The following AFG2A variants were observed in gnomAD, a reference collection of about 807,000 sequenced individuals.
AFG2A encodes the protein ATPase family gene 2 protein homolog A.
At chr4:123,040,431 TC>T in the AFG2A span, among the ~76,000 whole-genome samples, 124 of 152,314 alleles carry the variant, frequency 8.1e-4, 1 homozygote, top group African/African-American at 2.8e-3. Flanking sequence ...AATGAATTTT[TC>T]ATTTTTAAAG....
chr4:123,072,346 G>A, the AFG2A span, among the ~76,000 whole-genome samples: 28 of 152,162 alleles, frequency 1.8e-4, no homozygotes, highest in Middle Eastern at 3.4e-3. Flanking sequence ...ACTTAATTTC[G>A]CCTCACAGCA....
chr4:123,266,767 G>A, the AFG2A span, among the ~76,000 whole-genome samples: 6 of 151,088 alleles, frequency 4.0e-5, no homozygotes, highest in African/African-American at 7.3e-5. Context: ...TCCCTATTTC[G>A]GCATATTCTT....
At chr4:123,312,152 A>C in the AFG2A span, among the ~76,000 whole-genome samples, 1 of 152,184 alleles carries the variant, frequency 6.6e-6, no homozygotes, top group East Asian at 1.9e-4. Context: ...AAACAGGGAG[A>C]TATCAGTCAT....
At chr4:123,177,925 T>C in the AFG2A span, among the ~76,000 whole-genome samples, 1 of 152,218 alleles carries the variant, frequency 6.6e-6, no homozygotes, top group Non-Finnish European at 1.5e-5. Flanking sequence ...TGTTCTGGAA[T>C]GGTGTCTTGG....
At chr4:123,088,027 A>G in the AFG2A span, among the ~76,000 whole-genome samples, 1 of 152,150 alleles carries the variant, frequency 6.6e-6, no homozygotes, top group Non-Finnish European at 1.5e-5. Flanking sequence ...CTCTAGTTGA[A>G]ACATCCCATT....
chr4:123,120,337 G>A, the AFG2A span, among the ~76,000 whole-genome samples: 44 of 152,038 alleles, frequency 2.9e-4, no homozygotes, highest in Middle Eastern at 3.4e-3. Context: ...ACTTCTCAGA[G>A]AAACTCTTAG....
the AFG2A span, among the ~76,000 whole-genome samples, chr4:123,120,213 T>C: frequency 1.8e-4 from 27 of 152,294 alleles, no homozygotes; most frequent in African/African-American, 6.0e-4. Flanking sequence ...TAATCATCTA[T>C]GTTGAGGAAA....
chr4:123,244,416 G>C, the AFG2A span, among the ~76,000 whole-genome samples: 8 of 152,316 alleles, frequency 5.3e-5, no homozygotes, highest in East Asian at 1.5e-3. Context: ...TGGAAACATT[G>C]ATGACCTCTG....
At chr4:123,149,798 CTTTTTTTTTTTT>C in the AFG2A span, among the ~76,000 whole-genome samples, 3 of 121,650 alleles carry the variant, frequency 2.5e-5, no homozygotes, top group African/African-American at 1.2e-4. Flanking sequence ...TAGGAAATAG[CTTTTTTTTTTTT>C]TTTTTTTTTT....
the AFG2A span, among the ~76,000 whole-genome samples, chr4:123,311,306 A>G: frequency 2.6e-5 from 4 of 152,100 alleles, no homozygotes; most frequent in Non-Finnish European, 5.9e-5. Context: ...AGCCACCACA[A>G]AACAACAACT....
the AFG2A span, among the ~76,000 whole-genome samples, chr4:123,208,421 C>T: frequency 6.6e-6 from 1 of 152,126 alleles, no homozygotes; most frequent in Non-Finnish European, 1.5e-5. Context: ...AAGGAAGGAA[C>T]ACATTTAATG....
the AFG2A span, among the ~76,000 whole-genome samples, chr4:123,297,418 G>A: frequency 6.6e-6 from 1 of 152,190 alleles, no homozygotes; most frequent in African/African-American, 2.4e-5. Flanking sequence ...GAACAGCAAG[G>A]TCTAAGGAAA....
the AFG2A span, among the ~76,000 whole-genome samples, chr4:123,027,916 T>C: frequency 1.3e-5 from 2 of 152,108 alleles, no homozygotes; most frequent in Non-Finnish European, 2.9e-5. Flanking sequence ...GGTTAGATTT[T>C]ACGATATGCT....
chr4:123,283,706 GA>G, the AFG2A span, among the ~76,000 whole-genome samples: 1 of 152,144 alleles, frequency 6.6e-6, no homozygotes, highest in Non-Finnish European at 1.5e-5. Flanking sequence ...CATGACACAT[GA>G]AAAATGTATG....
the AFG2A span, among the ~76,000 whole-genome samples, chr4:123,058,300 G>C: frequency 6.6e-6 from 1 of 152,248 alleles, no homozygotes; most frequent in Non-Finnish European, 1.5e-5. Flanking sequence ...GAGAGAATGA[G>C]AGCCAAGTGA....
the AFG2A span, among the ~76,000 whole-genome samples, chr4:123,056,041 A>G: frequency 2.6e-5 from 4 of 152,232 alleles, no homozygotes; most frequent in Admixed American, 2.6e-4. Context: ...GCTTAGAGCT[A>G]GCCAGTGGTT....
At chr4:123,134,375 A>G in the AFG2A span, among the ~76,000 whole-genome samples, 1 of 152,154 alleles carries the variant, frequency 6.6e-6, no homozygotes, top group East Asian at 1.9e-4. Context: ...TCCCCATTGT[A>G]TGTTCTTGGC....
At chr4:122,946,183 G>A in the AFG2A span, among the ~76,000 whole-genome samples, 1 of 152,194 alleles carries the variant, frequency 6.6e-6, no homozygotes, top group Non-Finnish European at 1.5e-5. Flanking sequence ...TTGTGTTTAT[G>A]GATGACCATA....
At chr4:122,944,464 C>T in the AFG2A span, among the ~76,000 whole-genome samples, 76 of 152,284 alleles carry the variant, frequency 5.0e-4, no homozygotes, top group Non-Finnish European at 8.2e-4. Flanking sequence ...ACGTAGTTCT[C>T]GAGCCTTGGC....
Sources: allele counts gnomAD v4.1 joint callset (sites outside exome capture counted in the v4.1 genomes callset), GRCh38; gene constraint gnomAD v4.1.1; transcripts MANE v1.5; gene names NCBI Gene and HGNC (gene_info 2026-07-23, HGNC 2026-07-21).